Variants in TIGAR observed in about 807,000 individuals in gnomAD.
TIGAR encodes the protein fructose-2,6-bisphosphatase TIGAR.
Under a neutral mutation model 17.9 loss-of-function variants are expected in TIGAR, and 7 were observed. The observed-to-expected ratio is 0.39, with a 90% CI of 0.22 to 0.73. The LOEUF (loss-of-function observed/expected upper bound fraction) is 0.73, where lower values mean the gene tolerates loss of function less well. Among genes scored for constraint, TIGAR ranks in the 30% least tolerant of loss-of-function variants. The pLI is 0.42. For synonymous variants in TIGAR, 94 were observed against 108.6 expected (o/e 0.87, Z 0.84); for missense variants, 258 against 327.4 (o/e 0.79, Z 1.64).
chr12:4,321,391 T>G lies in TIGAR; in HGVS notation c.32+88T>G. ...AAGGGAAAACGGGTCCACCACCCTCTCCCCTCCCTGCTCGCTCCAGCCCGG... is the reference window on the plus strand; with the variant it reads ...AAGGGAAAACGGGTCCACCACCCTCGCCCCTCCCTGCTCGCTCCAGCCCGG... On this transcript the variant is annotated intron_variant, in intron 1 of 5. Coordinates refer to ENST00000179259, the MANE Select transcript of TIGAR (RefSeq NM_020375.3). This position sits in a 1 kb window ranked among gnomAD's most constrained non-coding sequence, Gnocchi z 5.2. 4 of 1,563,276 alleles carry G rather than the reference T, an allele frequency of 2.6e-6. No individual in the cohort carries two copies. Among genetic ancestry groups the G allele is most frequent in the Non-Finnish European group, 3.5e-6 (4 of 1,151,150 alleles).
intron 1 of TIGAR, among the ~76,000 whole-genome samples, chr12:4,328,317 G>A (rs779086950): frequency 6.6e-6 from 1 of 151,458 alleles, no homozygotes; most frequent in African/African-American, 2.4e-5. Flanking sequence ...TCAGCCTCCC[G>A]AATAGCTGGG....
chr12:4,339,220 T>C (rs1478501979), intron 3 of TIGAR, among the ~76,000 whole-genome samples: 1 of 151,970 alleles, frequency 6.6e-6, no homozygotes, highest in Non-Finnish European at 1.5e-5. Flanking sequence ...AAAGGAGATA[T>C]TACAACCAAT....
In TIGAR at chr12:4,359,953, T is replaced by C. The variant is rs113336953; in HGVS notation, c.*7262T>C. Reference sequence around the variant, plus strand: ...TTTAACTGGTGATATGGAATGCTTTTTAATGTACAATTCTTATTGATCATT... The same window carrying C: ...TTTAACTGGTGATATGGAATGCTTTCTAATGTACAATTCTTATTGATCATT... On this transcript the variant is annotated 3_prime_UTR_variant, in exon 6 of 6. Transcript: ENST00000179259. Among the ~76,000 whole-genome samples, 99 of 152,356 alleles carry C rather than the reference T, an allele frequency of 6.5e-4. 1 individual carries two copies. The highest frequency in any genetic ancestry group is 2.2e-3 in the African/African-American group (92 of 41,586).
rs1328118924 is a variant in TIGAR at position 4,354,844 on chromosome 12, G to A, written c.*2153G>A. Among the ~76,000 whole-genome samples the A allele has an allele frequency of 1.3e-5, 2 of 148,506 alleles. No homozygotes were observed. The highest frequency in any genetic ancestry group is 5.0e-5 in the African/African-American group (2 of 40,178). ...CCTCTCGGGTTCAAGCAATTCTTGT[G>A]CCTCAGCCTCCTGAGTAGCTGGGAC... On this transcript the variant is annotated 3_prime_UTR_variant, in exon 6 of 6. Transcript: ENST00000179259.
intron 1 of TIGAR, among the ~76,000 whole-genome samples, chr12:4,322,056 C>T (rs1183912304): frequency 6.6e-6 from 1 of 151,756 alleles, no homozygotes; most frequent in Non-Finnish European, 1.5e-5. Context: ...AGTGCAGTGG[C>T]GCTATCTCTG....
In TIGAR at chr12:4,321,229, G is replaced by A. The variant is rs1591657120; in HGVS notation, c.-43G>A. On this transcript the variant is annotated 5_prime_UTR_variant, in exon 1 of 6. Coordinates refer to ENST00000179259, the MANE Select transcript of TIGAR (RefSeq NM_020375.3). The surrounding 1 kb of genome is among the most constrained non-coding windows in gnomAD (Gnocchi z 5.2). Reference sequence around the variant, plus strand: ...GGGGGAGGTAGCCCGCAGTGCAGGGGCAGCGCGGCGCGGGGCCACCGACGG... The same window carrying A: ...GGGGGAGGTAGCCCGCAGTGCAGGGACAGCGCGGCGCGGGGCCACCGACGG... 3 of 1,598,180 alleles carry A rather than the reference G, an allele frequency of 1.9e-6. No homozygotes were observed. The highest frequency in any genetic ancestry group is 2.2e-5 in the East Asian group (1 of 44,846).
rs1462619720 is a variant in TIGAR, at chr12:4,358,959, A to G, written c.*6268A>G. Among the ~76,000 whole-genome samples the G allele has an allele frequency of 1.3e-5, 2 of 151,606 alleles. No homozygotes were observed. The highest frequency in any genetic ancestry group is 2.9e-5 in the Non-Finnish European group (2 of 67,964). Reference sequence around the variant, plus strand: ...TTTCCTGACATATCCTCATTATTAGATTTGGATTGTATACTTTTGTCAGAA... The same window carrying G: ...TTTCCTGACATATCCTCATTATTAGGTTTGGATTGTATACTTTTGTCAGAA... On this transcript the variant is annotated 3_prime_UTR_variant, in exon 6 of 6. Coordinates refer to ENST00000179259, the MANE Select transcript of TIGAR (RefSeq NM_020375.3).
At chr12:4,323,228 T>C (rs1261830890) in intron 1 of TIGAR, among the ~76,000 whole-genome samples, 1 of 152,020 alleles carries the variant, frequency 6.6e-6, no homozygotes, top group Admixed American at 6.6e-5. Flanking sequence ...TGAGCTGTGA[T>C]TGGGCCACTG....
rs1015901159 is a variant in TIGAR at position 4,355,674 on chromosome 12, A to G, written c.*2983A>G. The stretch of plus-strand genomic sequence containing the variant: ...TAAAGCTGTGAATATGTAGCCATGA[A>G]CCAAAACAAAGTCTCTGTCCTTGTG... On this transcript the variant is annotated 3_prime_UTR_variant, in exon 6 of 6. Coordinates refer to ENST00000179259, the MANE Select transcript of TIGAR (RefSeq NM_020375.3). Among the ~76,000 whole-genome samples, 3 of 152,248 alleles carry G rather than the reference A, an allele frequency of 2.0e-5. No homozygotes were observed. The highest frequency in any genetic ancestry group is 4.8e-5 in the African/African-American group (2 of 41,468).
Position 4,337,454 on chromosome 12 carries a change from CCAGCAACA to C in TIGAR, c.192+295_192+302del, listed in dbSNP as rs1199648353. Among the ~76,000 whole-genome samples, 7 of 152,282 alleles carry C rather than the reference CCAGCAACA, an allele frequency of 4.6e-5. 1 individual carries two copies. The highest frequency in any genetic ancestry group is 1.7e-4 in the African/African-American group (7 of 41,558). Reference sequence around the variant, plus strand: ...GGATTACAGGCGTGAGCCACCACGCCCAGCAACAGGTGAGTTTAGAGTCAAGGTCTAGG... The same window carrying C: ...GGATTACAGGCGTGAGCCACCACGCCGGTGAGTTTAGAGTCAAGGTCTAGG... On this transcript the variant is annotated intron_variant, in intron 3 of 5. Coordinates refer to ENST00000179259, the MANE Select transcript of TIGAR (RefSeq NM_020375.3).
At chr12:4,344,610 A>G (rs942196899) in intron 3 of TIGAR, among the ~76,000 whole-genome samples, 6 of 152,208 alleles carry the variant, frequency 3.9e-5, no homozygotes, top group African/African-American at 1.4e-4. Flanking sequence ...TATAAACAGA[A>G]CCAAAGACAA....
rs769429080 is a variant in TIGAR at position 4,352,530 on chromosome 12, C to G, written c.652C>G (p.Pro218Ala). ...TCTGACTGACCTTAAGTGTTCCTTA[C>G]CAGCCACTCTGAGCAGATCTGAACT... is the stretch of plus-strand genomic sequence containing the variant. ...YFLTDLKCSL[P>A]ATLSRSELMS... Residue 218 changes from proline (P) to alanine (A), a missense_variant, in exon 6 of 6, where the codon CCA (proline) becomes GCA (alanine). Physicochemically the swap from Pro to Ala is conservative, Grantham distance 27. Transcript: ENST00000179259. 3.1e-6 allele frequency: 5 copies of G among 1,614,110 alleles called. No individual in the cohort carries two copies. Among genetic ancestry groups the G allele is most frequent in the Non-Finnish European group, 4.2e-6 (5 of 1,180,026 alleles).
At chr12:4,341,338 C>T (rs575447697) in intron 3 of TIGAR, among the ~76,000 whole-genome samples, 55 of 152,284 alleles carry the variant, frequency 3.6e-4, no homozygotes, top group African/African-American at 1.2e-3. Context: ...CCAGCGTGAG[C>T]GACGCAGAAG....
intron 1 of TIGAR, among the ~76,000 whole-genome samples, chr12:4,330,535 T>C (rs1864592861): frequency 6.6e-6 from 1 of 152,234 alleles, no homozygotes. Context: ...TTTCATGTAT[T>C]TGAAAGTTGC....
In TIGAR at chr12:4,321,439, T is replaced by C; in HGVS notation, c.32+136T>C. On this transcript the variant is annotated intron_variant, in intron 1 of 5. Coordinates refer to ENST00000179259, the MANE Select transcript of TIGAR (RefSeq NM_020375.3). The surrounding 1 kb of genome is among the most constrained non-coding windows in gnomAD (Gnocchi z 5.2). ...CGGGAGGGCTGGCTTGGAAGCGCTT[T>C]TTCCGGGGCGCTTGCCCTGGGGCCG... 3 of 1,298,990 alleles carry C rather than the reference T, an allele frequency of 2.3e-6. No individual in the cohort carries two copies. The highest frequency in any genetic ancestry group is 3.2e-6 in the Non-Finnish European group (3 of 943,748). 80.5% of individuals were successfully genotyped at this position (1,298,990 alleles called of 1,614,324 possible).
intron 4 of TIGAR, among the ~76,000 whole-genome samples, chr12:4,350,502 G>A (rs530250949): frequency 4.6e-5 from 7 of 152,120 alleles, no homozygotes; most frequent in Admixed American, 3.9e-4. Context: ...TGTGGCTGGC[G>A]TGGTGGCTTA....
intron 2 of TIGAR, among the ~76,000 whole-genome samples, chr12:4,335,931 G>A (rs535432704): frequency 9.2e-5 from 14 of 152,274 alleles, no homozygotes; most frequent in Admixed American, 4.6e-4. Context: ...GATCTATTTG[G>A]TTATTTTAGA....
Position 4,357,965 on chromosome 12 carries a change from C to T in TIGAR, c.*5274C>T, listed in dbSNP as rs560119934. The stretch of plus-strand genomic sequence containing the variant: ...GAAAAATAGAAAAAATTAGCCAGGC[C>T]TGGTGGCCGGCGCCTGTAGTCCCAG... On this transcript the variant is annotated 3_prime_UTR_variant, in exon 6 of 6. Coordinates refer to ENST00000179259, the MANE Select transcript of TIGAR (RefSeq NM_020375.3). Among the ~76,000 whole-genome samples, 2 of 151,724 alleles carry T rather than the reference C, an allele frequency of 1.3e-5. No individual in the cohort carries two copies. Among genetic ancestry groups the T allele is most frequent in the African/African-American group, 2.4e-5 (1 of 41,276 alleles).
At chr12:4,347,064 G>A (rs1254807518) in intron 3 of TIGAR, among the ~76,000 whole-genome samples, 1 of 152,174 alleles carries the variant, frequency 6.6e-6, no homozygotes, top group Non-Finnish European at 1.5e-5. Flanking sequence ...TGTACCCAAA[G>A]AAAGGAAATC....
Sources: gnomAD v4.1 joint callset for allele counts (sites outside exome capture counted in the v4.1 genomes callset) on GRCh38, gnomAD v4.1.1 for gene constraint, Gnocchi (gnomAD v3.1) non-coding constraint, MANE v1.5 for transcripts, NCBI Gene and HGNC (gene_info 2026-07-23, HGNC 2026-07-21) for gene names.